The following NBEA variants were observed in gnomAD, a reference collection of about 807,000 sequenced individuals.
The protein encoded by NBEA is lysosomal-trafficking regulator 2.
A neutral mutation model predicts 343.4 loss-of-function variants in NBEA; 44 were observed. The observed-to-expected ratio is 0.13, with a 90% CI of 0.10 to 0.16. The LOEUF (loss-of-function observed/expected upper bound fraction) is 0.16, where lower values mean the gene tolerates loss of function less well. Among genes scored for constraint, NBEA ranks in the 10% least tolerant of loss-of-function variants. NBEA has a pLI of 1.00. For missense variants in NBEA, 2,555 were observed against 3,631.3 expected (o/e 0.70, Z 7.62); for synonymous variants, 1,175 against 1,238.7 (o/e 0.95, Z 1.08).
chr13:35,594,973 A>G (rs938711185), intron 47 of NBEA, among the ~76,000 whole-genome samples: 3 of 151,128 alleles, frequency 2.0e-5, no homozygotes, highest in Non-Finnish European at 2.9e-5. Flanking sequence ...ACACACACAC[A>G]CACACACACA....
intron 11 of NBEA, among the ~76,000 whole-genome samples, chr13:35,108,854 A>G (rs2066046939): frequency 6.6e-6 from 1 of 152,088 alleles, no homozygotes; most frequent in Non-Finnish European, 1.5e-5. Flanking sequence ...GTATTTATGG[A>G]GAAGAGAAGG....
intron 38 of NBEA, among the ~76,000 whole-genome samples, chr13:35,414,886 G>A (rs2043810897): frequency 6.6e-6 from 1 of 152,096 alleles, no homozygotes; most frequent in Non-Finnish European, 1.5e-5. Context: ...ATCCTCTCCA[G>A]CACCTGTTGT....
At chr13:34,947,490 G>C (rs1401122073) in intron 1 of NBEA, among the ~76,000 whole-genome samples, 1 of 151,720 alleles carries the variant, frequency 6.6e-6, no homozygotes, top group East Asian at 1.9e-4. Context: ...TCAGTCACCT[G>C]CATTTTTTTT....
At chr13:35,401,605 A>T (rs939422186) in intron 38 of NBEA, among the ~76,000 whole-genome samples, 3 of 152,018 alleles carry the variant, frequency 2.0e-5, no homozygotes, top group African/African-American at 4.8e-5. Context: ...CTATCTTAAG[A>T]CATCTGTAAG....
intron 38 of NBEA, among the ~76,000 whole-genome samples, chr13:35,419,027 G>T (rs182812197): frequency 1.2e-4 from 18 of 151,998 alleles, no homozygotes; most frequent in African/African-American, 4.3e-4. Context: ...ATAGCCTGAA[G>T]ATTTTATACA....
intron 43 of NBEA, among the ~76,000 whole-genome samples, chr13:35,553,748 G>A (rs949571448): frequency 2.6e-5 from 4 of 152,122 alleles, no homozygotes; most frequent in East Asian, 1.9e-4. Flanking sequence ...AACTAAACAC[G>A]AAGGAGTCCT....
At position 35,050,335 on chromosome 13, in the gene NBEA, A is replaced by G. The variant is rs755162526; in HGVS notation, c.912A>G (p.Ser304=). Residue 304 remains serine (S), a synonymous_variant, in exon 6 of 59, where the codon TCA becomes TCG. Coordinates refer to ENST00000379939, the MANE Select transcript of NBEA (RefSeq NM_001385012.1). Reference sequence around the variant, plus strand: ...TTGGCAACTGTTTAATAGTCACATCATTGAAGTCCAAAGGAAAAGGTTTTC... The same window carrying G: ...TTGGCAACTGTTTAATAGTCACATCGTTGAAGTCCAAAGGAAAAGGTTTTC... ...HFVGNCLIVT[S]LKSKGKGFQH... is the part of the protein sequence containing the mutation. 4.3e-6 allele frequency: 7 copies of G among 1,609,292 alleles called. No homozygotes were observed. In the East Asian group the frequency reaches 9.0e-5, roughly 21 times the overall value.
At chr13:35,435,491 C>G (rs2045379095) in intron 39 of NBEA, among the ~76,000 whole-genome samples, 1 of 151,580 alleles carries the variant, frequency 6.6e-6, no homozygotes, top group Admixed American at 6.6e-5. Flanking sequence ...GGTGCCATAC[C>G]TGCAACTTCT....
intron 48 of NBEA, among the ~76,000 whole-genome samples, chr13:35,625,393 G>T (rs1262786772): frequency 6.6e-6 from 1 of 152,142 alleles, no homozygotes; most frequent in Non-Finnish European, 1.5e-5. Flanking sequence ...GAGGCAGGCG[G>T]ATCACGTGAG....
At chr13:35,311,205 G>A (rs968922415) in intron 36 of NBEA, among the ~76,000 whole-genome samples, 1 of 151,970 alleles carries the variant, frequency 6.6e-6, no homozygotes, top group Non-Finnish European at 1.5e-5. Flanking sequence ...TCCGTTTTCA[G>A]GTGATGAATA....
chr13:35,184,135 A>G (rs1218413395), intron 30 of NBEA, 64 bp downstream of exon 30: 2 of 1,177,252 alleles, frequency 1.7e-6, no homozygotes, highest in African/African-American at 3.1e-5. Context: ...TTTTAAAATA[A>G]ATATTCATGA....
chr13:35,267,113 G>A (rs2033747823), intron 34 of NBEA, among the ~76,000 whole-genome samples: 1 of 151,884 alleles, frequency 6.6e-6, no homozygotes. Context: ...GGCTGTGGAG[G>A]AGAAGAAAGA....
chr13:35,515,285 T>C (rs895851112), intron 41 of NBEA, among the ~76,000 whole-genome samples: 62 of 152,326 alleles, frequency 4.1e-4, no homozygotes, highest in African/African-American at 1.4e-3. Context: ...TCTTTTGTAC[T>C]CTTTGCTCCT....
intron 38 of NBEA, among the ~76,000 whole-genome samples, chr13:35,412,892 G>A (rs920769508): frequency 6.6e-6 from 1 of 152,110 alleles, no homozygotes; most frequent in African/African-American, 2.4e-5. Flanking sequence ...TAACCACTCT[G>A]TGCTTCCATT....
chr13:35,438,230 G>A (rs2045547414), intron 39 of NBEA, among the ~76,000 whole-genome samples: 1 of 152,180 alleles, frequency 6.6e-6, no homozygotes, highest in Non-Finnish European at 1.5e-5. Flanking sequence ...TCAGAGATGT[G>A]TCTGCTTAAC....
chr13:35,365,240 A>G (rs1003087486), intron 38 of NBEA, among the ~76,000 whole-genome samples: 9 of 151,836 alleles, frequency 5.9e-5, no homozygotes, highest in African/African-American at 2.2e-4. Flanking sequence ...TACATGAAAC[A>G]ACAAATAATG....
At chr13:35,663,846 T>C (rs1446005286) in intron 55 of NBEA, among the ~76,000 whole-genome samples, 2 of 152,220 alleles carry the variant, frequency 1.3e-5, no homozygotes, top group South Asian at 2.1e-4. Flanking sequence ...GATGGCAAAC[T>C]AGCATGAGCT....
chr13:35,341,488 A>T (rs999015671), intron 36 of NBEA, among the ~76,000 whole-genome samples: 2 of 152,084 alleles, frequency 1.3e-5, no homozygotes, highest in Non-Finnish European at 2.9e-5. Context: ...TTTGCAAATC[A>T]TGTGTCTAAT....
In NBEA at chr13:35,655,548, A is replaced by G. The variant is rs751128160; in HGVS notation, c.8192-31A>G. ...ATTACCATTTGAAGAAAAAGACTAA[A>G]TGAAGCAAACCTGTCATTTCTGTGT... On this transcript the variant is annotated intron_variant, in intron 54 of 58. Transcript: ENST00000379939. The G allele has an allele frequency of 6.9e-6, 11 of 1,589,600 alleles. No homozygotes were observed. The South Asian group carries it at 1.0e-4, about 15-fold the overall frequency.
Sources: allele counts gnomAD v4.1 joint callset (sites outside exome capture counted in the v4.1 genomes callset), GRCh38; gene constraint gnomAD v4.1.1; transcripts MANE v1.5; gene names NCBI Gene and HGNC (gene_info 2026-07-23, HGNC 2026-07-21).